The following GULP1 variants were observed in gnomAD, a reference collection of about 807,000 sequenced individuals.
GULP1 encodes the protein PTB domain-containing engulfment adapter protein 1.
In GULP1, 19 loss-of-function variants were observed where a neutral mutation model predicts 40.9. That is an observed-to-expected ratio of 0.46 (90% CI 0.32 to 0.68). GULP1 has a LOEUF of 0.68. Ranked by LOEUF, GULP1 falls within the 30% of genes least tolerant of loss-of-function variation. The pLI is 0.03. For missense variants in GULP1, 312 were observed against 362.2 expected, an observed-to-expected ratio of 0.86 and a Z score of 1.12; for synonymous variants, 119 against 117.6, an observed-to-expected ratio of 1.01 and a Z score of -0.08.
chr2:188,383,549 C>T (rs2049282025), intron 1 of GULP1, among the ~76,000 whole-genome samples: 1 of 152,178 alleles, frequency 6.6e-6, no homozygotes, highest in Non-Finnish European at 1.5e-5. Flanking sequence ...ACATCATCTA[C>T]AAATCTTGCT....
At chr2:188,424,487 A>G (rs1025424424) in intron 2 of GULP1, among the ~76,000 whole-genome samples, 2 of 151,960 alleles carry the variant, frequency 1.3e-5, no homozygotes, top group Non-Finnish European at 2.9e-5. Context: ...TTTCAACAAT[A>G]TATTATTTCA....
intron 1 of GULP1, among the ~76,000 whole-genome samples, chr2:188,348,107 T>G (rs1248212429): frequency 1.3e-5 from 2 of 152,228 alleles, no homozygotes; most frequent in African/African-American, 4.8e-5. Context: ...GAGAAACTCA[T>G]GAATTTATAA....
At chr2:188,510,069 G>C (rs2064348800) in intron 4 of GULP1, among the ~76,000 whole-genome samples, 1 of 152,058 alleles carries the variant, frequency 6.6e-6, no homozygotes, top group Admixed American at 6.6e-5. Context: ...GGGTGCTAGA[G>C]CATTTAAAGA....
intron 1 of GULP1, among the ~76,000 whole-genome samples, chr2:188,325,085 A>G (rs1454574473): frequency 6.6e-6 from 1 of 152,008 alleles, no homozygotes; most frequent in Admixed American, 6.6e-5. Flanking sequence ...ACTGAAGTCA[A>G]TCACAAGTGT....
chr2:188,506,816 G>A (rs1008773365), intron 4 of GULP1, among the ~76,000 whole-genome samples: 1 of 151,906 alleles, frequency 6.6e-6, no homozygotes, highest in African/African-American at 2.4e-5. Flanking sequence ...GTGTTTACAT[G>A]GGAATTTGTG....
Position 188,483,417 on chromosome 2 carries a change from A to G in GULP1, c.29-14A>G, listed in dbSNP as rs1249109827. The G allele has an allele frequency of 2.1e-6, 3 of 1,435,904 alleles. No individual in the cohort carries two copies. Among genetic ancestry groups the G allele is most frequent in the African/African-American group, 2.8e-5 (2 of 71,550 alleles). The allele number at this position is 1,435,904 out of a possible 1,614,324, so 88.9% of individuals were successfully genotyped here. On this transcript the variant is annotated splice_polypyrimidine_tract_variant and intron_variant, in intron 3 of 11. Transcript: ENST00000409830. ...GGAAACCTAAAATTTAACTCTGTGT[A>G]TTTTTTATTGCAGACAAAACATGGA...
chr2:188,565,907 G>T (rs574853729), intron 7 of GULP1, among the ~76,000 whole-genome samples: 2 of 151,992 alleles, frequency 1.3e-5, no homozygotes, highest in African/African-American at 4.8e-5. Context: ...TAATTTAGTA[G>T]AAGAATACAG....
At chr2:188,334,087 C>T (rs948336043) in intron 1 of GULP1, among the ~76,000 whole-genome samples, 2 of 152,174 alleles carry the variant, frequency 1.3e-5, no homozygotes, top group African/African-American at 4.8e-5. Context: ...CTTCTGACAG[C>T]TGGGGACCTG....
intron 2 of GULP1, among the ~76,000 whole-genome samples, chr2:188,409,557 A>AT (rs904929358): frequency 5.9e-5 from 9 of 151,548 alleles, no homozygotes; most frequent in East Asian, 1.9e-4. Flanking sequence ...ATTCTTTTCA[A>AT]TTTTTTTTTC....
At chr2:188,409,698 A>G (rs1403068071) in intron 2 of GULP1, among the ~76,000 whole-genome samples, 2 of 152,196 alleles carry the variant, frequency 1.3e-5, no homozygotes, top group Non-Finnish European at 2.9e-5. Context: ...ACATGGATGT[A>G]AAAATTCTCA....
At chr2:188,312,263 T>A (rs1018513360) in intron 1 of GULP1, among the ~76,000 whole-genome samples, 1 of 152,120 alleles carries the variant, frequency 6.6e-6, no homozygotes, top group Non-Finnish European at 1.5e-5. Context: ...TTTTCCATGG[T>A]GGTTTGCTGC....
intron 4 of GULP1, among the ~76,000 whole-genome samples, chr2:188,509,261 G>A (rs2064254491): frequency 6.6e-6 from 1 of 152,054 alleles, no homozygotes; most frequent in African/African-American, 2.4e-5. Flanking sequence ...TTCCAGCTCA[G>A]AGTGTTTTTT....
intron 3 of GULP1, among the ~76,000 whole-genome samples, 154 bp from the exon 4 acceptor site, chr2:188,483,277 A>G (rs1295769921): frequency 6.6e-6 from 1 of 152,040 alleles, no homozygotes; most frequent in Non-Finnish European, 1.5e-5. Context: ...CCCCAACTAA[A>G]TTGTTCTTCT....
chr2:188,545,623 T>G (rs1575956267), intron 7 of GULP1, among the ~76,000 whole-genome samples: 1 of 151,858 alleles, frequency 6.6e-6, no homozygotes, highest in East Asian at 1.9e-4. Context: ...ATTAAAATGT[T>G]ATCGTTTTAA....
intron 4 of GULP1, among the ~76,000 whole-genome samples, chr2:188,521,812 C>T (rs1385577393): frequency 6.6e-6 from 1 of 152,164 alleles, no homozygotes; most frequent in African/African-American, 2.4e-5. Flanking sequence ...TGTGGTGGCT[C>T]ATGCCTGTAA....
intron 2 of GULP1, among the ~76,000 whole-genome samples, chr2:188,431,486 A>C (rs2056864813): frequency 6.6e-6 from 1 of 152,188 alleles, no homozygotes; most frequent in African/African-American, 2.4e-5. Context: ...CAGATTATAT[A>C]GAATTAAAAA....
At chr2:188,293,132 G>A (rs1303463415) in intron 1 of GULP1, 2 of 152,406 alleles carry the variant, frequency 1.3e-5, no homozygotes, top group East Asian at 3.9e-4. Flanking sequence ...GGAAGACTTA[G>A]CTGGTGTTGG....
intron 4 of GULP1, among the ~76,000 whole-genome samples, chr2:188,517,266 T>A (rs2153222460): frequency 6.6e-6 from 1 of 152,270 alleles, no homozygotes; most frequent in Non-Finnish European, 1.5e-5. Flanking sequence ...ACCTGAAAAA[T>A]TGTAAGCATT....
intron 8 of GULP1, chr2:188,569,615 A>C (rs536088393): frequency 4.7e-6 from 2 of 426,580 alleles, no homozygotes; most frequent in South Asian, 4.7e-5. Flanking sequence ...TCTCATGGGG[A>C]TCAGAGCAGC....
Sources: gnomAD v4.1 joint callset for allele counts (sites outside exome capture counted in the v4.1 genomes callset) on GRCh38, gnomAD v4.1.1 for gene constraint, MANE v1.5 for transcripts, NCBI Gene and HGNC (gene_info 2026-07-23, HGNC 2026-07-21) for gene names.